IMPA2: variants seen among roughly 807,000 people sequenced by gnomAD.
The protein encoded by IMPA2 is inositol monophosphatase 2, also known as IMP 2.
In IMPA2, 32 loss-of-function variants were observed where a neutral mutation model predicts 35.1. The observed-to-expected ratio is 0.91, with a 90% CI of 0.69 to 1.23. The LOEUF is 1.23. IMPA2 is among the 50% of genes most tolerant of loss of function. The pLI, the probability that IMPA2 is intolerant of heterozygous loss-of-function variation, is 0.00. For missense variants in IMPA2, 334 were observed against 387.6 expected (o/e 0.86, Z 1.16); for synonymous variants, 135 against 160.6 (o/e 0.84, Z 1.20).
intron 1 of IMPA2, among the ~76,000 whole-genome samples, chr18:11,985,679 G>A (rs925123138): frequency 2.0e-5 from 3 of 152,202 alleles, no homozygotes; most frequent in African/African-American, 7.2e-5. Flanking sequence ...TCCACCTCAT[G>A]TGCTCCTCTG....
At chr18:11,992,928 A>G (rs953052739) in intron 1 of IMPA2, among the ~76,000 whole-genome samples, 2 of 152,176 alleles carry the variant, frequency 1.3e-5, no homozygotes, top group Non-Finnish European at 2.9e-5. Flanking sequence ...AGCATAGGAC[A>G]ATTCGTGAAT....
chr18:12,008,629 G>C (rs923616542), intron 2 of IMPA2: 1 of 448,182 alleles, frequency 2.2e-6, no homozygotes, highest in Non-Finnish European at 4.5e-6. Flanking sequence ...CATCTTCCCT[G>C]TGTGTGTGGG....
At chr18:11,987,787 A>G (rs1393742797) in intron 1 of IMPA2, among the ~76,000 whole-genome samples, 1 of 152,116 alleles carries the variant, frequency 6.6e-6, no homozygotes, top group Non-Finnish European at 1.5e-5. Context: ...TTGGGAATGT[A>G]AATTCTGCCA....
At chr18:11,981,839 C>A in intron 1 of IMPA2, 74 bp downstream of exon 1, 1 of 1,035,440 alleles carries the variant, frequency 9.7e-7, no homozygotes, top group Non-Finnish European at 1.2e-6. Flanking sequence ...CCTGGAGTGG[C>A]GGGGTCCTGG....
chr18:12,002,897 C>T (rs141103552), intron 2 of IMPA2, among the ~76,000 whole-genome samples: 37 of 150,590 alleles, frequency 2.5e-4, no homozygotes, highest in African/African-American at 6.3e-4. Flanking sequence ...TGCCTCAAAA[C>T]AAAAAAATAA....
chr18:11,999,939 T>G (rs1598690046), intron 2 of IMPA2, among the ~76,000 whole-genome samples: 1 of 152,354 alleles, frequency 6.6e-6, no homozygotes, highest in Admixed American at 6.5e-5. Flanking sequence ...TCTAGAGTTC[T>G]GCAGTATAAA....
rs11545506 is a variant in IMPA2, at chr18:11,999,116, T to C, written c.159T>C (p.Leu53=). The change falls in exon 2 of 8, where the codon CTT becomes CTC. Residue 53 remains leucine, a synonymous_variant. Transcript: ENST00000269159. Reference sequence around the variant, plus strand: ...CAACAAAAACATCAGCTGCAGATCTTGTGACAGAAACAGATCACCTTGTGG... The same window carrying C: ...CAACAAAAACATCAGCTGCAGATCTCGTGACAGAAACAGATCACCTTGTGG... ...RVSTKTSAAD[L]VTETDHLVED... is the part of the protein sequence containing the mutation. 142,516 of 1,613,124 alleles carry C rather than the reference T, an allele frequency of 0.088. 9,220 individuals are homozygous for C. The highest frequency in any genetic ancestry group is 0.3 in the East Asian group (13,294 of 44,812).
intron 1 of IMPA2, among the ~76,000 whole-genome samples, chr18:11,996,030 C>T (rs893668235): frequency 2.0e-5 from 3 of 151,894 alleles, no homozygotes; most frequent in Non-Finnish European, 2.9e-5. Flanking sequence ...ACAGGAAGGA[C>T]GAAGGGAAGT....
chr18:12,007,628 C>T (rs1036728982), intron 2 of IMPA2, among the ~76,000 whole-genome samples: 4 of 116,674 alleles, frequency 3.4e-5, no homozygotes, highest in African/African-American at 1.1e-4. Context: ...CTTTTTCTTT[C>T]TTCTTTCTTT....
intron 6 of IMPA2, 37 bp from the exon 7 acceptor site, chr18:12,028,805 C>A: frequency 6.2e-7 from 1 of 1,604,746 alleles, no homozygotes; most frequent in Non-Finnish European, 8.5e-7. Flanking sequence ...AAAGGCTCCA[C>A]TCCCGCCTGC....
At chr18:11,984,874 A>G (rs1906614369) in intron 1 of IMPA2, among the ~76,000 whole-genome samples, 1 of 151,348 alleles carries the variant, frequency 6.6e-6, no homozygotes, top group South Asian at 2.1e-4. Context: ...AGGCTGAGGC[A>G]GGAGAATGGC....
At chr18:12,013,572 G>GCATGCTGGCCCTTGT (rs907356431) in intron 4 of IMPA2, among the ~76,000 whole-genome samples, 4 of 152,180 alleles carry the variant, frequency 2.6e-5, no homozygotes, top group African/African-American at 9.7e-5. Flanking sequence ...TGCTAAGCAA[G>GCATGCTGGCCCTTGT]CATGCTGGCC....
intron 5 of IMPA2, among the ~76,000 whole-genome samples, chr18:12,016,245 C>T (rs1437205907): frequency 6.6e-6 from 1 of 152,114 alleles, no homozygotes; most frequent in Non-Finnish European, 1.5e-5. Context: ...GGGAGAAAGG[C>T]CAAAAAGAAT....
At chr18:11,987,875 CACA>C (rs1380115017) in intron 1 of IMPA2, among the ~76,000 whole-genome samples, 1 of 152,146 alleles carries the variant, frequency 6.6e-6, no homozygotes, top group Non-Finnish European at 1.5e-5. Flanking sequence ...CCACGTCTTC[CACA>C]ACATGTGGTA....
At chr18:12,019,886 A>T (rs776875987) in intron 5 of IMPA2, among the ~76,000 whole-genome samples, 3 of 152,042 alleles carry the variant, frequency 2.0e-5, no homozygotes, top group Admixed American at 2.0e-4. Flanking sequence ...AAAAAAATAT[A>T]TATATTTTTG....
At chr18:12,023,349 C>T (rs759179588) in intron 5 of IMPA2, among the ~76,000 whole-genome samples, 13 of 152,146 alleles carry the variant, frequency 8.5e-5, no homozygotes, top group African/African-American at 1.9e-4. Context: ...ATCTGTTGCA[C>T]GGGGCAGTGG....
At chr18:12,007,777 CTTTCT>C (rs1214699849) in intron 2 of IMPA2, among the ~76,000 whole-genome samples, 1 of 129,966 alleles carries the variant, frequency 7.7e-6, no homozygotes, top group African/African-American at 2.9e-5. Flanking sequence ...TTTTTCTTTT[CTTTCT>C]TTTCTTTTTT....
intron 4 of IMPA2, 141 bp from the exon 5 acceptor site, chr18:12,014,124 C>T: frequency 4.5e-6 from 3 of 662,826 alleles, no homozygotes; most frequent in South Asian, 1.7e-5. Context: ...TTCTCAGTTC[C>T]TTTTGGAAAG....
At chr18:12,019,430 T>C (rs1360907433) in intron 5 of IMPA2, among the ~76,000 whole-genome samples, 2 of 151,066 alleles carry the variant, frequency 1.3e-5, no homozygotes, top group East Asian at 1.9e-4. Context: ...ATTTTTTTTT[T>C]TTTTTTTTTG....
Sources: gnomAD v4.1 joint callset for allele counts (sites outside exome capture counted in the v4.1 genomes callset) on GRCh38, gnomAD v4.1.1 for gene constraint, MANE v1.5 for transcripts, NCBI Gene and HGNC (gene_info 2026-07-23, HGNC 2026-07-21) for gene names.